Variants in ASF1B observed in about 807,000 individuals in gnomAD.
ASF1B encodes the protein anti-silencing function 1B histone chaperone.
A neutral mutation model predicts 16.6 loss-of-function variants in ASF1B; 10 were observed. The ratio of observed to expected loss-of-function variants is 0.60; its 90% CI spans 0.37 to 1.02. The LOEUF (loss-of-function observed/expected upper bound fraction) is 1.02. ASF1B is among the 50% of genes least tolerant of loss of function. ASF1B has a pLI of 0.01. For missense variants in ASF1B, 240 were observed against 266.0 expected, an observed-to-expected ratio of 0.90 and a Z score of 0.68; for synonymous variants, 101 against 106.2, an observed-to-expected ratio of 0.95 and a Z score of 0.30.
chr19:14,122,230 CT>C (rs897207038), intron 2 of ASF1B, among the ~76,000 whole-genome samples: 27 of 151,808 alleles, frequency 1.8e-4, no homozygotes, highest in African/African-American at 5.8e-4. Flanking sequence ...TGCGCCCAGC[CT>C]TTTTTTTGTA....
rs570876750 is a variant in ASF1B, at chr19:14,135,503, G to A, written c.109+845C>T. On this transcript the variant is annotated intron_variant, in intron 1 of 3. Coordinates refer to ENST00000263382, the MANE Select transcript of ASF1B (RefSeq NM_018154.3). ...GGCCCCAACGAAGGAGAGAAACCAGGTTCCAGGGTATGTGCATTGGGGCAG... is the reference window on the plus strand; with the variant it reads ...GGCCCCAACGAAGGAGAGAAACCAGATTCCAGGGTATGTGCATTGGGGCAG... Among the ~76,000 whole-genome samples the A allele has an allele frequency of 2.0e-5, 3 of 152,288 alleles. No homozygotes were observed. The East Asian group carries it at 5.8e-4, about 29-fold the overall frequency.
chr19:14,122,575 G>C (rs544072120), intron 2 of ASF1B, among the ~76,000 whole-genome samples: 151 of 151,692 alleles, frequency 1.0e-3, no homozygotes, highest in Admixed American at 1.8e-3. Flanking sequence ...GCCCAGGCTG[G>C]TCTCAAACTC....
rs1967204252 is a variant in ASF1B at position 14,119,702 on chromosome 19, C to T, written c.*757G>A. ...TTCCCTGGCTTGAAATCACCCTGGT[C>T]CTAGCAGAGGACAGGTTAAGGCTGC... On this transcript the variant is annotated 3_prime_UTR_variant, in exon 4 of 4. Transcript: ENST00000263382. 1 of 152,662 alleles carries T rather than the reference C, an allele frequency of 6.6e-6. No individual in the cohort carries two copies. 9.5% of individuals were successfully genotyped at this position (152,662 alleles called of 1,614,324 possible). A position where few individuals can be genotyped will look rare whatever the true frequency, so the allele number is the denominator to read the frequency against.
chr19:14,135,591 G>A (rs1217517962), intron 1 of ASF1B, among the ~76,000 whole-genome samples: 11 of 152,130 alleles, frequency 7.2e-5, no homozygotes, highest in Non-Finnish European at 2.9e-5. Flanking sequence ...GGAGGGGACT[G>A]GTGGGACACA....
chr19:14,123,827 G>A (rs1349392040), intron 2 of ASF1B, among the ~76,000 whole-genome samples: 1 of 133,548 alleles, frequency 7.5e-6, no homozygotes, highest in Non-Finnish European at 1.6e-5. Context: ...GTCTCACTCT[G>A]TTGCCCAGGC....
rs758989967 is a variant in ASF1B at position 14,126,093 on chromosome 19, G to GCTAAGGC, written c.225+22_225+28dup. ...AAGAGGATGTTTCTAGGAATCAAGGGCTAAGGCCTAAGGCCTCATCTTTCT... is the reference window on the plus strand; with the variant it reads ...AAGAGGATGTTTCTAGGAATCAAGGGCTAAGGCCTAAGGCCTAAGGCCTCATCTTTCT... On this transcript the variant is annotated intron_variant, in intron 2 of 3. Transcript: ENST00000263382. 4.5e-5 allele frequency: 68 copies of GCTAAGGC among 1,495,622 alleles called. No individual in the cohort carries two copies. In the Admixed American group the frequency reaches 4.7e-4, roughly 10 times the overall value. 92.6% of individuals were successfully genotyped at this position (1,495,622 alleles called of 1,614,324 possible).
intron 2 of ASF1B, among the ~76,000 whole-genome samples, chr19:14,124,035 G>A (rs1967282264): frequency 6.6e-6 from 1 of 151,888 alleles, no homozygotes; most frequent in African/African-American, 2.4e-5. Context: ...CAAGTGATCT[G>A]CCTGCCCCAG....
intron 1 of ASF1B, among the ~76,000 whole-genome samples, chr19:14,134,252 CTTTA>C (rs981957371): frequency 4.6e-5 from 7 of 152,078 alleles, no homozygotes; most frequent in African/African-American, 7.2e-5. Flanking sequence ...TCATTCTACA[CTTTA>C]TTTATTTATT....
Position 14,120,302 on chromosome 19 carries a change from T to C in ASF1B, c.*157A>G, listed in dbSNP as rs559024702. 1.7e-5 allele frequency: 11 copies of C among 660,520 alleles called. No individual in the cohort carries two copies. The highest frequency in any genetic ancestry group is 9.2e-5 in the African/African-American group (5 of 54,506). 40.9% of individuals were successfully genotyped at this position (660,520 alleles called of 1,614,324 possible). ...GCGAGATCATCCTTCTGGCCAGGAC[T>C]AGGGGAGACCCAAGGCCTGTTCTTT... On this transcript the variant is annotated 3_prime_UTR_variant, in exon 4 of 4. Coordinates refer to ENST00000263382, the MANE Select transcript of ASF1B (RefSeq NM_018154.3).
At chr19:14,136,232 G>T in intron 1 of ASF1B, 116 bp downstream of exon 1, 1 of 795,746 alleles carries the variant, frequency 1.3e-6, no homozygotes. Context: ...ATCGGGGTTG[G>T]CGGAAGGGGG....
rs775335419 is a variant in ASF1B, at chr19:14,136,428, G to T, written c.29C>A (p.Ala10Glu). MAKVSVLNV[A>E]VLENPSPFHS... Reference sequence around the variant, plus strand: ...GAAAGGGCTCGGGTTCTCCAGGACCGCCACGTTCAGCACCGACACCTTGGC... The same window carrying T: ...GAAAGGGCTCGGGTTCTCCAGGACCTCCACGTTCAGCACCGACACCTTGGC... Residue 10 changes from alanine (A) to glutamate (E), a missense_variant, in exon 1 of 4, where the codon GCG becomes GAG. Coordinates refer to ENST00000263382, the MANE Select transcript of ASF1B (RefSeq NM_018154.3). The T allele has an allele frequency of 5.0e-6, 8 of 1,613,488 alleles. No individual in the cohort carries two copies. Among genetic ancestry groups the T allele is most frequent in the Non-Finnish European group, 5.9e-6 (7 of 1,179,660 alleles).
chr19:14,121,275 A>ATTTTTTTT, intron 3 of ASF1B: 3 of 298,406 alleles, frequency 1.0e-5, no homozygotes, highest in South Asian at 7.4e-5. Flanking sequence ...TGTCTGGCTC[A>ATTTTTTTT]TTTTTTTTTT....
chr19:14,124,173 TAG>T (rs1967284141), intron 2 of ASF1B, among the ~76,000 whole-genome samples: 1 of 152,032 alleles, frequency 6.6e-6, no homozygotes, highest in Admixed American at 6.6e-5. Context: ...GTTTTTTTTG[TAG>T]AGACAGGTCT....
chr19:14,122,836 T>C (rs1007394181), intron 2 of ASF1B, among the ~76,000 whole-genome samples: 2 of 151,816 alleles, frequency 1.3e-5, no homozygotes, highest in African/African-American at 4.8e-5. Flanking sequence ...AGCTAAGGGA[T>C]TGGGAAAGGG....
chr19:14,128,096 C>T (rs924292741), intron 1 of ASF1B, among the ~76,000 whole-genome samples: 5 of 152,212 alleles, frequency 3.3e-5, no homozygotes. Context: ...GTATCAGGGG[C>T]AAGGTCATGC....
chr19:14,135,714 A>G (rs1172952245), intron 1 of ASF1B, among the ~76,000 whole-genome samples: 1 of 152,040 alleles, frequency 6.6e-6, no homozygotes, highest in Non-Finnish European at 1.5e-5. Flanking sequence ...AGCTTGGGTG[A>G]GAGGTCTCCA....
chr19:14,126,718 C>T (rs925966947), intron 1 of ASF1B, among the ~76,000 whole-genome samples: 10 of 152,144 alleles, frequency 6.6e-5, no homozygotes, highest in Admixed American at 1.3e-4. Context: ...GTGATCCACC[C>T]GCCTTGGCCT....
At chr19:14,121,009 C>T (rs1049335508) in intron 3 of ASF1B, among the ~76,000 whole-genome samples, 7 of 151,992 alleles carry the variant, frequency 4.6e-5, no homozygotes, top group African/African-American at 9.7e-5. Context: ...TTAGTAGAGA[C>T]GGGCTTTCAC....
intron 1 of ASF1B, 145 bp downstream of exon 1, chr19:14,136,203 G>T (rs1967495563): frequency 3.3e-6 from 2 of 601,220 alleles, no homozygotes; most frequent in Admixed American, 3.0e-5. Flanking sequence ...AGATCCGGTT[G>T]ACTGGCGGGC....
Sources: gnomAD v4.1 joint callset for allele counts (sites outside exome capture counted in the v4.1 genomes callset) on GRCh38, gnomAD v4.1.1 for gene constraint, MANE v1.5 for transcripts, NCBI Gene and HGNC (gene_info 2026-07-23, HGNC 2026-07-21) for gene names.